Variants in PTPRT observed in about 807,000 individuals in gnomAD.
The protein encoded by PTPRT is receptor-type tyrosine-protein phosphatase T.
A neutral mutation model predicts 176.8 loss-of-function variants in PTPRT; 56 were observed. The ratio of observed to expected loss-of-function variants is 0.32; its 90% CI spans 0.26 to 0.40. The LOEUF (loss-of-function observed/expected upper bound fraction) is 0.40. Ranked by LOEUF, PTPRT falls within the 10% of genes least tolerant of loss-of-function variation. The pLI is 1.00. For synonymous variants in PTPRT, 783 were observed against 739.0 expected (o/e 1.06, Z -0.96); for missense variants, 1,540 against 1,908.2 (o/e 0.81, Z 3.60).
intron 9 of PTPRT, among the ~76,000 whole-genome samples, chr20:42,415,726 G>A (rs1459688949): frequency 6.6e-6 from 1 of 152,158 alleles, no homozygotes; most frequent in Non-Finnish European, 1.5e-5. Context: ...TAAGTTTGTA[G>A]AGGAAAGAAG....
intron 6 of PTPRT, among the ~76,000 whole-genome samples, chr20:42,749,228 C>T (rs2076735079): frequency 6.6e-6 from 1 of 152,110 alleles, no homozygotes; most frequent in Non-Finnish European, 1.5e-5. Flanking sequence ...AGCCCAGGCT[C>T]CTATTCTGGT....
At chr20:42,217,785 G>C (rs2055809621) in intron 15 of PTPRT, among the ~76,000 whole-genome samples, 1 of 152,094 alleles carries the variant, frequency 6.6e-6, no homozygotes, top group African/African-American at 2.4e-5. Context: ...ATTGCAAAAT[G>C]GTTTTCTTTT....
chr20:42,138,592 G>A (rs1275091736), intron 18 of PTPRT, among the ~76,000 whole-genome samples: 1 of 152,184 alleles, frequency 6.6e-6, no homozygotes, highest in Non-Finnish European at 1.5e-5. Context: ...GCACCTTCCT[G>A]CCAGTCTAGG....
chr20:42,490,922 C>T (rs1301549006), intron 7 of PTPRT, among the ~76,000 whole-genome samples: 3 of 152,052 alleles, frequency 2.0e-5, no homozygotes, highest in African/African-American at 7.2e-5. Context: ...ATGCTTATCA[C>T]CTATTCACTC....
chr20:42,081,213 A>T (rs1983299079), intron 30 of PTPRT, among the ~76,000 whole-genome samples: 1 of 152,122 alleles, frequency 6.6e-6, no homozygotes, highest in African/African-American at 2.4e-5. Flanking sequence ...CGTGCATACA[A>T]GGCAGCCAGA....
chr20:42,659,418 C>T (rs2075183741), intron 7 of PTPRT, among the ~76,000 whole-genome samples: 1 of 152,200 alleles, frequency 6.6e-6, no homozygotes, highest in African/African-American at 2.4e-5. Context: ...TCCCATAATA[C>T]AGAATACCGT....
intron 8 of PTPRT, among the ~76,000 whole-genome samples, chr20:42,462,076 C>A (rs1403740906): frequency 1.3e-5 from 2 of 150,974 alleles, no homozygotes; most frequent in African/African-American, 4.9e-5. Flanking sequence ...GCAAATGGTT[C>A]ATCCATAGAA....
intron 15 of PTPRT, among the ~76,000 whole-genome samples, chr20:42,212,316 G>A (rs999849163): frequency 6.7e-3 from 160 of 23,970 alleles, no homozygotes; most frequent in Middle Eastern, 0.029. Context: ...AAAAAAAAAA[G>A]ACAAAAAAAA....
chr20:42,468,093 G>A (rs992155943), intron 8 of PTPRT, among the ~76,000 whole-genome samples: 1 of 152,210 alleles, frequency 6.6e-6, no homozygotes, highest in African/African-American at 2.4e-5. Flanking sequence ...GAAGCCATGG[G>A]GCTCAGCAGC....
At chr20:42,400,605 G>A (rs1434047818) in intron 9 of PTPRT, among the ~76,000 whole-genome samples, 1 of 152,046 alleles carries the variant, frequency 6.6e-6, no homozygotes, top group Non-Finnish European at 1.5e-5. Context: ...GGCAGAGAGA[G>A]TATGAAGGAA....
At chr20:42,068,994 C>T (rs1982203188), downstream of PTPRT, among the ~76,000 whole-genome samples, 1 of 152,238 alleles carries the variant, frequency 6.6e-6, no homozygotes, top group Admixed American at 6.5e-5. Flanking sequence ...TCTGGCTCAG[C>T]TGGCTCTTAA....
intron 1 of PTPRT, among the ~76,000 whole-genome samples, chr20:42,920,809 G>A (rs971993614): frequency 6.6e-6 from 1 of 152,196 alleles, no homozygotes; most frequent in South Asian, 2.1e-4. Context: ...AATCAGTGCA[G>A]AGAACTGGGT....
Position 42,530,635 on chromosome 20 carries a change from G to A in PTPRT, c.1154-58073C>T, listed in dbSNP as rs142845023. 3.4e-3 allele frequency among the ~76,000 whole-genome samples: 518 copies of A among 152,254 alleles called. 2 individuals are homozygous for A. The highest frequency in any genetic ancestry group is 0.012 in the African/African-American group (478 of 41,560). On this transcript the variant is annotated intron_variant, in intron 7 of 30. Transcript: ENST00000373187. ...CACGTTTTCTTGTTCTCTTCTTTAT[G>A]TTTTTGAACTTGCATGTGCTTCTCC... is the stretch of plus-strand genomic sequence containing the variant.
intron 1 of PTPRT, among the ~76,000 whole-genome samples, chr20:42,891,062 T>G (rs1165484105): frequency 6.6e-6 from 1 of 152,232 alleles, no homozygotes; most frequent in Non-Finnish European, 1.5e-5. Context: ...GTGAATCCAC[T>G]AAACCTGTTT....
At chr20:42,639,698 T>C (rs1055946539) in intron 7 of PTPRT, among the ~76,000 whole-genome samples, 2 of 152,116 alleles carry the variant, frequency 1.3e-5, no homozygotes, top group Non-Finnish European at 2.9e-5. Context: ...GTCTGTTATA[T>C]TGCTCCTAAA....
chr20:43,154,154 A>C (rs1399025458), intron 1 of PTPRT, among the ~76,000 whole-genome samples: 2 of 152,182 alleles, frequency 1.3e-5, no homozygotes, highest in African/African-American at 4.8e-5. Flanking sequence ...TCATTTTGGG[A>C]CTTATATTTA....
chr20:42,093,363 C>G (rs934166443), intron 27 of PTPRT, among the ~76,000 whole-genome samples: 2 of 152,142 alleles, frequency 1.3e-5, no homozygotes, highest in African/African-American at 4.8e-5. Context: ...ATTTGGAGTC[C>G]TAAAGAGTTA....
At chr20:42,600,012 T>C (rs8119203) in intron 7 of PTPRT, among the ~76,000 whole-genome samples, 18,810 of 152,218 alleles carry the variant, frequency 0.12, 1,259 homozygotes, top group South Asian at 0.15. Context: ...CCCTTCCAGA[T>C]GTAACCTAAC....
At chr20:42,244,542 C>T (rs558348512) in intron 14 of PTPRT, among the ~76,000 whole-genome samples, 16 of 152,154 alleles carry the variant, frequency 1.1e-4, no homozygotes, top group African/African-American at 2.9e-4. Context: ...ATGTGATGGA[C>T]GGGTTAGTGT....
Sources: gnomAD v4.1 joint callset for allele counts (sites outside exome capture counted in the v4.1 genomes callset) on GRCh38, gnomAD v4.1.1 for gene constraint, MANE v1.5 for transcripts, NCBI Gene and HGNC (gene_info 2026-07-23, HGNC 2026-07-21) for gene names.